ANKRD26: variants seen among roughly 807,000 people sequenced by gnomAD.
The protein encoded by ANKRD26 is ankyrin repeat domain-containing protein 26.
In ANKRD26, 141 loss-of-function variants were observed where a neutral mutation model predicts 208.7. The ratio of observed to expected loss-of-function variants is 0.68; its 90% CI spans 0.59 to 0.78. The LOEUF (loss-of-function observed/expected upper bound fraction) is 0.78. ANKRD26 is among the 30% of genes least tolerant of loss of function. The pLI is 0.00. For missense variants in ANKRD26, 1,889 were observed against 1,938.7 expected (o/e 0.97, Z 0.48); for synonymous variants, 636 against 660.4 (o/e 0.96, Z 0.57).
intron 6 of ANKRD26, chr10:27,081,012 G>C: frequency 1.0e-6 from 1 of 958,438 alleles, no homozygotes; most frequent in Non-Finnish European, 1.2e-6. Flanking sequence ...CAAAGTACTT[G>C]AGGGGCTCAA....
At chr10:26,965,693 C>T in the ANKRD26 span, among the ~76,000 whole-genome samples, 1 of 152,174 alleles carries the variant, frequency 6.6e-6, no homozygotes, top group Non-Finnish European at 1.5e-5. Flanking sequence ...AGTGAACAGG[C>T]AACCTACAGA....
chr10:26,951,833 C>CT, the ANKRD26 span, among the ~76,000 whole-genome samples: 1 of 152,176 alleles, frequency 6.6e-6, no homozygotes, highest in Admixed American at 6.5e-5. Context: ...ACATTTGGGC[C>CT]TTGTTGACCC....
At chr10:27,011,920 C>T (rs1230751403) in intron 32 of ANKRD26, among the ~76,000 whole-genome samples, 1 of 152,124 alleles carries the variant, frequency 6.6e-6, no homozygotes, top group Non-Finnish European at 1.5e-5. Context: ...AACCACTGTG[C>T]AATTGCCCAG....
At chr10:26,992,467 C>G (rs7073848) in intron 5 of ANKRD26, among the ~76,000 whole-genome samples, 5 of 124,278 alleles carry the variant, frequency 4.0e-5, no homozygotes, top group Non-Finnish European at 6.8e-5. Context: ...AATACACACA[C>G]GTACACACAC....
At chr10:27,098,837 C>A (rs189658101) in intron 1 of ANKRD26, among the ~76,000 whole-genome samples, 211 of 152,360 alleles carry the variant, frequency 1.4e-3, no homozygotes, top group African/African-American at 4.3e-3. Flanking sequence ...GCGTGAGACA[C>A]CGCGCCTGGC....
intron 5 of ANKRD26, among the ~76,000 whole-genome samples, chr10:26,977,546 C>G (rs1057292286): frequency 2.0e-5 from 3 of 152,120 alleles, no homozygotes; most frequent in Admixed American, 1.3e-4. Context: ...GGATAAAATA[C>G]AGATAAAAAT....
At chr10:27,044,323 C>CT in intron 18 of ANKRD26, 133 bp from the exon 19 acceptor site, 2 of 777,112 alleles carry the variant, frequency 2.6e-6, no homozygotes. Context: ...TTACAGGAAT[C>CT]TTTTTTACAG....
intron 11 of ANKRD26, among the ~76,000 whole-genome samples, chr10:27,065,428 A>G (rs1054834131): frequency 6.6e-6 from 1 of 152,170 alleles, no homozygotes; most frequent in Non-Finnish European, 1.5e-5. Flanking sequence ...TTCCTATAGG[A>G]TATCTCCAGT....
At chr10:27,018,930 A>G (rs574724870) in intron 29 of ANKRD26, among the ~76,000 whole-genome samples, 3 of 152,310 alleles carry the variant, frequency 2.0e-5, no homozygotes, top group Admixed American at 2.0e-4. Context: ...GGTCTAGGCA[A>G]AGATTTTATG....
At chr10:27,000,965 G>A (rs557168201), downstream of ANKRD26, among the ~76,000 whole-genome samples, 12 of 152,288 alleles carry the variant, frequency 7.9e-5, no homozygotes, top group South Asian at 2.1e-3. Flanking sequence ...CCAAGATCAC[G>A]CCACTGCACT....
chr10:27,061,382 T>G, intron 12 of ANKRD26, 140 bp from the exon 13 acceptor site: 1 of 557,740 alleles, frequency 1.8e-6, no homozygotes, highest in East Asian at 3.1e-5. Flanking sequence ...CAGTGTTTAT[T>G]TAAAATAACA....
At chr10:27,045,521 A>C (rs2054411055) in intron 18 of ANKRD26, among the ~76,000 whole-genome samples, 1 of 152,172 alleles carries the variant, frequency 6.6e-6, no homozygotes, top group Non-Finnish European at 1.5e-5. Context: ...TTTATAATCT[A>C]AAAGTAATAG....
In ANKRD26 at chr10:27,037,190, G is replaced by C; in HGVS notation, c.2693C>G (p.Ser898Cys). ...EIEMAQKKMN[S>C]ENSHSHEEEK... ...GACTAAAGGAAATAGAAATACCTCAGAATTCATTTTCTTTTGAGCCATTTC... is the reference window on the plus strand; with the variant it reads ...GACTAAAGGAAATAGAAATACCTCACAATTCATTTTCTTTTGAGCCATTTC... Residue 898 changes from serine (S) to cysteine (C), a missense_variant, in exon 23 of 34, where the codon TCT becomes TGT. By Grantham distance (112) the Ser-to-Cys change is moderately radical. Coordinates refer to ENST00000376087, the MANE Select transcript of ANKRD26 (RefSeq NM_014915.3). 5.0e-6 allele frequency: 8 copies of C among 1,613,038 alleles called. No individual in the cohort carries two copies. Among genetic ancestry groups the C allele is most frequent in the Non-Finnish European group, 6.8e-6 (8 of 1,179,232 alleles).
At chr10:27,099,114 C>T (rs889580678) in intron 1 of ANKRD26, among the ~76,000 whole-genome samples, 2 of 152,118 alleles carry the variant, frequency 1.3e-5, no homozygotes, top group Admixed American at 6.5e-5. Flanking sequence ...CCTCAGTCTT[C>T]GGAGTAGCTG....
At chr10:27,070,101 T>TAAAAAAA (rs34493349) in intron 9 of ANKRD26, among the ~76,000 whole-genome samples, 1 of 109,120 alleles carries the variant, frequency 9.2e-6, no homozygotes. Flanking sequence ...ACTCTGTATT[T>TAAAAAAA]AAAAAAAAAA....
At chr10:27,040,603 T>G (rs2054202143) in intron 20 of ANKRD26, among the ~76,000 whole-genome samples, 1 of 152,186 alleles carries the variant, frequency 6.6e-6, no homozygotes, top group Non-Finnish European at 1.5e-5. Flanking sequence ...GAGGCTCTAC[T>G]GCAGTCTGCT....
At chr10:26,975,402 C>CTTT (rs60226106) in exon 6 of ANKRD26, among the ~76,000 whole-genome samples, 6 of 90,482 alleles carry the variant, frequency 6.6e-5, no homozygotes, top group South Asian at 3.8e-4. Flanking sequence ...CTAATTTTTG[C>CTTT]TTTTTTTTTT....
intron 17 of ANKRD26, 40 bp downstream of exon 17, chr10:27,048,761 C>CA (rs1564389431): frequency 6.4e-7 from 1 of 1,571,416 alleles, no homozygotes. Context: ...TTTTATAGCA[C>CA]AATAACAATT....
intron 5 of ANKRD26, 107 bp downstream of exon 5, chr10:27,086,432 T>C (rs2056117524): frequency 6.9e-6 from 10 of 1,444,660 alleles, no homozygotes; most frequent in Middle Eastern, 3.6e-4. Context: ...CACATGCACC[T>C]TATACACTGA....
Sources: gnomAD v4.1 joint callset for allele counts (sites outside exome capture counted in the v4.1 genomes callset) on GRCh38, gnomAD v4.1.1 for gene constraint, MANE v1.5 for transcripts, NCBI Gene and HGNC (gene_info 2026-07-23, HGNC 2026-07-21) for gene names.